Variants in SRGAP2 observed in about 807,000 individuals in gnomAD.
SRGAP2 encodes SLIT-ROBO Rho GTPase-activating protein 2.
In SRGAP2, 15 loss-of-function variants were observed where a neutral mutation model predicts 57.2. The ratio of observed to expected loss-of-function variants is 0.26; its 90% confidence interval spans 0.18 to 0.40. The LOEUF (loss-of-function observed/expected upper bound fraction) is 0.40, where lower values mean the gene tolerates loss of function less well. Ranked by LOEUF, SRGAP2 falls within the 10% of genes least tolerant of loss-of-function variation. The pLI, the probability that SRGAP2 is intolerant of heterozygous loss-of-function variation, is 1.00. For missense variants in SRGAP2, 520 were observed against 669.6 expected, an observed-to-expected ratio of 0.78 and a Z score of 2.47; for synonymous variants, 249 against 248.0, an observed-to-expected ratio of 1.00 and a Z score of -0.04.
intron 8 of SRGAP2, among the ~76,000 whole-genome samples, chr1:206,402,281 G>C (rs1437684723): frequency 1.3e-5 from 2 of 152,082 alleles, no homozygotes; most frequent in African/African-American, 2.4e-5. Flanking sequence ...GCCTGATGCT[G>C]GTTGCCCAGA....
chr1:206,359,798 CTTTTTT>C (rs1166916482), intron 4 of SRGAP2, among the ~76,000 whole-genome samples: 9 of 70,226 alleles, frequency 1.3e-4, no homozygotes, highest in East Asian at 4.9e-4. Context: ...GGATATTGCT[CTTTTTT>C]TTTTTTTTTT....
intron 3 of SRGAP2, among the ~76,000 whole-genome samples, chr1:206,332,427 G>A (rs1441277749): frequency 2.0e-4 from 30 of 150,060 alleles, no homozygotes; most frequent in African/African-American, 7.4e-4. Context: ...TCCATTCTCC[G>A]CCTCACTTTC....
intron 5 of SRGAP2, among the ~76,000 whole-genome samples, chr1:206,389,332 G>T (rs1338600291): frequency 6.6e-6 from 1 of 151,170 alleles, no homozygotes; most frequent in African/African-American, 2.4e-5. Context: ...CCGCCACCAC[G>T]CCCAGTTAAT....
chr1:206,278,433 C>G (rs1670545271), intron 2 of SRGAP2, among the ~76,000 whole-genome samples: 2 of 141,230 alleles, frequency 1.4e-5, no homozygotes, highest in African/African-American at 2.7e-5. Flanking sequence ...ATTGCAGCCT[C>G]CAACTCCTGG....
intron 2 of SRGAP2, among the ~76,000 whole-genome samples, chr1:206,221,494 C>T (rs1420174189): frequency 1.3e-5 from 2 of 151,598 alleles, no homozygotes; most frequent in Non-Finnish European, 2.9e-5. Flanking sequence ...CCCAAGGTGG[C>T]GTAGGATATC....
intron 10 of SRGAP2, among the ~76,000 whole-genome samples, chr1:206,408,743 A>G (rs1164563812): frequency 6.7e-6 from 1 of 148,178 alleles, no homozygotes; most frequent in Non-Finnish European, 1.5e-5. Flanking sequence ...TGTTTTCTAA[A>G]TTGACCTTTA....
intron 2 of SRGAP2, among the ~76,000 whole-genome samples, chr1:206,272,822 T>C (rs1670199209): frequency 6.6e-6 from 1 of 152,258 alleles, no homozygotes; most frequent in Non-Finnish European, 1.5e-5. Flanking sequence ...TCATTCATTC[T>C]TTCTCTTTCC....
rs782774224 is a variant in SRGAP2 at position 206,446,225 on chromosome 1, T to G, written c.2025T>G (p.His675Gln). Residue 675 changes from histidine (H) to glutamine (Q), a missense_variant, in exon 18 of 23, where the codon CAT becomes CAG. By Grantham distance (24) the His-to-Gln change is conservative. Around this residue, in one of 5 missense-constraint regions of SRGAP2, gnomAD observed 478 missense variants for 373.6 expected, o/e 1.28. Transcript: ENST00000573034. ...TGATCAAAACCATCATCATCCAGCA[T>G]GAGAACATCTTCCCAAGCCCCAGGG... ...NELIKTIIIQ[H>Q]ENIFPSPREL... 1.3e-6 allele frequency: 1 copy of G among 780,902 alleles called. No homozygotes were observed. Among genetic ancestry groups the G allele is most frequent in the Non-Finnish European group, 2.4e-6 (1 of 417,996 alleles). The allele number at this position is 780,902 out of a possible 1,614,324, so 48.4% of individuals were successfully genotyped here. A position where few individuals can be genotyped will look rare whatever the true frequency, so the allele number is the denominator to read the frequency against.
At position 206,358,589 on chromosome 1, in the gene SRGAP2, G is replaced by A. The variant is rs573390325; in HGVS notation, c.423+15581G>A. 2.8e-3 allele frequency among the ~76,000 whole-genome samples: 419 copies of A among 149,774 alleles called. 2 individuals carry two copies. Among genetic ancestry groups the A allele is most frequent in the African/African-American group, 1.0e-2 (407 of 40,716 alleles). ...TTTTCTTTTGATGTTCATTTTGAGG[G>A]TGGAGAGTAGAAAAAGCATTCTCTT... On this transcript the variant is annotated intron_variant, in intron 4 of 22. Transcript: ENST00000573034.
chr1:206,395,985 CTT>C (rs375908687), intron 7 of SRGAP2, among the ~76,000 whole-genome samples: 7 of 131,160 alleles, frequency 5.3e-5, no homozygotes, highest in Non-Finnish European at 4.8e-5. Flanking sequence ...TCTCATGTTT[CTT>C]TTTTTTTTTT....
chr1:206,458,021 TGGGAGTCATGTA>T (rs1423347264), intron 21 of SRGAP2, among the ~76,000 whole-genome samples: 1 of 152,176 alleles, frequency 6.6e-6, no homozygotes, highest in East Asian at 1.9e-4. Flanking sequence ...CTGGGTGACT[TGGGAGTCATGTA>T]GAGGTATTTC....
intron 2 of SRGAP2, among the ~76,000 whole-genome samples, chr1:206,223,154 TC>T (rs1320215850): frequency 1.8e-4 from 26 of 146,640 alleles, no homozygotes; most frequent in African/African-American, 5.8e-4. Flanking sequence ...GTGTAGATGT[TC>T]CTTTTATATT....
chr1:206,248,268 A>G (rs1553310430), intron 2 of SRGAP2, among the ~76,000 whole-genome samples: 3 of 152,090 alleles, frequency 2.0e-5, no homozygotes, highest in Admixed American at 2.0e-4. Flanking sequence ...TGTTTGTGTA[A>G]TATTTGTCGC....
At chr1:206,399,054 G>A (rs1657892311) in intron 7 of SRGAP2, among the ~76,000 whole-genome samples, 1 of 152,200 alleles carries the variant, frequency 6.6e-6, no homozygotes, top group African/African-American at 2.4e-5. Context: ...TGTGTGGCTG[G>A]TGTTATCCTC....
intron 4 of SRGAP2, among the ~76,000 whole-genome samples, chr1:206,347,587 AAGAG>A (rs1323644584): frequency 6.6e-6 from 1 of 150,760 alleles, no homozygotes; most frequent in South Asian, 2.1e-4. Context: ...AGAAAAAAAG[AAGAG>A]AGAGAGAGAT....
chr1:206,220,814 C>A (rs1399372595), intron 2 of SRGAP2, among the ~76,000 whole-genome samples: 4 of 152,208 alleles, frequency 2.6e-5, no homozygotes, highest in Non-Finnish European at 5.9e-5. Flanking sequence ...TGGCTTATAG[C>A]TACTGGAGTG....
chr1:206,308,038 A>G lies in SRGAP2; in HGVS notation c.260+4565A>G, dbSNP rs1407871391. Reference sequence around the variant, plus strand: ...CCTCTCAATCTGAATTGTTCTAATTAAGATCACATACTAGGAATAGGGTGA... The same window carrying G: ...CCTCTCAATCTGAATTGTTCTAATTGAGATCACATACTAGGAATAGGGTGA... On this transcript the variant is annotated intron_variant, in intron 3 of 22. Coordinates refer to ENST00000573034, the MANE Select transcript of SRGAP2 (RefSeq NM_015326.5). Among the ~76,000 whole-genome samples the G allele has an allele frequency of 2.8e-3, 414 of 149,352 alleles. 4 individuals are homozygous for G. The highest frequency in any genetic ancestry group is 9.7e-3 in the African/African-American group (393 of 40,664).
intron 4 of SRGAP2, among the ~76,000 whole-genome samples, chr1:206,366,660 T>C (rs570228856): frequency 6.6e-6 from 1 of 152,164 alleles, no homozygotes; most frequent in African/African-American, 2.4e-5. Context: ...AGCGATTTCC[T>C]TTCCCCTGGG....
intron 2 of SRGAP2, among the ~76,000 whole-genome samples, chr1:206,243,669 G>A (rs1553309647): frequency 1.3e-5 from 2 of 152,206 alleles, no homozygotes; most frequent in Non-Finnish European, 2.9e-5. Flanking sequence ...GAGAGAAAGG[G>A]CAGATGTAGT....
Sources: allele counts gnomAD v4.1 joint callset (sites outside exome capture counted in the v4.1 genomes callset), GRCh38; gene constraint gnomAD v4.1.1; regional missense constraint gnomAD v4.1.1; transcripts MANE v1.5; gene names NCBI Gene and HGNC (gene_info 2026-07-23, HGNC 2026-07-21).